The following PCDH11X variants were observed in gnomAD, a reference collection of about 807,000 sequenced individuals.
PCDH11X encodes the protein protocadherin 11 X-linked.
A neutral mutation model predicts 53.3 loss-of-function variants in PCDH11X; 18 were observed. The observed-to-expected ratio is 0.34, with a 90% CI of 0.23 to 0.50. The LOEUF (loss-of-function observed/expected upper bound fraction) is 0.50. Among genes scored for constraint, PCDH11X ranks in the 20% least tolerant of loss-of-function variants. The pLI, the probability that PCDH11X is intolerant of heterozygous loss-of-function variation, is 0.98. For synonymous variants in PCDH11X, 279 were observed against 393.3 expected (o/e 0.71, Z 3.44); for missense variants, 570 against 1,032.4 (o/e 0.55, Z 6.14).
At chrX:92,110,975 T>C (rs1488401296) in intron 6 of PCDH11X, among the ~76,000 whole-genome samples, 1 of 109,468 alleles carries the variant, frequency 9.1e-6, no homozygotes, top group Non-Finnish European at 1.9e-5. Flanking sequence ...TAAGTTATGT[T>C]AATATGTAAA....
intron 6 of PCDH11X, among the ~76,000 whole-genome samples, chrX:92,164,801 G>A (rs1265009562): frequency 9.0e-6 from 1 of 110,560 alleles, no homozygotes; most frequent in Non-Finnish European, 1.9e-5. Flanking sequence ...GGAGGTGATT[G>A]ACTTATGGGG....
chrX:91,823,974 C>A (rs1367382751), intron 4 of PCDH11X, among the ~76,000 whole-genome samples: 1 of 110,699 alleles, frequency 9.0e-6, no homozygotes, highest in Non-Finnish European at 1.9e-5. Flanking sequence ...GTTGAAAATT[C>A]TTTCCTTTAA....
intron 5 of PCDH11X, among the ~76,000 whole-genome samples, chrX:91,839,765 T>A (rs1937450918): frequency 9.0e-6 from 1 of 111,281 alleles, no homozygotes; most frequent in Admixed American, 9.6e-5. Context: ...ATCATGTTAC[T>A]CTTTAAAGAA....
At chrX:91,824,798 T>G (rs954222014) in intron 4 of PCDH11X, among the ~76,000 whole-genome samples, 6 of 108,749 alleles carry the variant, frequency 5.5e-5, no homozygotes, top group Non-Finnish European at 1.9e-5. Flanking sequence ...TTCCCCATCT[T>G]TGTGGTTTTA....
chrX:92,585,373 CTTTT>C (rs1273543624), intron 10 of PCDH11X, among the ~76,000 whole-genome samples: 2 of 92,403 alleles, frequency 2.2e-5, no homozygotes. Flanking sequence ...CTTTCTTTTT[CTTTT>C]TTTTTTTTTT....
chrX:92,420,025 A>G (rs1286318198), intron 9 of PCDH11X, among the ~76,000 whole-genome samples: 4 of 110,620 alleles, frequency 3.6e-5, no homozygotes, highest in African/African-American at 1.3e-4. Context: ...TGTTTTTCAT[A>G]TTCCACTTTA....
chrX:91,931,140 G>A (rs1225985497), intron 6 of PCDH11X, among the ~76,000 whole-genome samples: 4 of 107,899 alleles, frequency 3.7e-5, no homozygotes, highest in Admixed American at 1.0e-4. Flanking sequence ...GTGTGTGTGT[G>A]TGTGTGTGTG....
intron 8 of PCDH11X, among the ~76,000 whole-genome samples, chrX:92,358,258 G>A (rs1269266706): frequency 1.0e-5 from 1 of 99,049 alleles, no homozygotes; most frequent in Non-Finnish European, 2.0e-5. Flanking sequence ...GGTCATTGAT[G>A]TCATGGAGTA....
intron 9 of PCDH11X, among the ~76,000 whole-genome samples, chrX:92,450,110 C>A (rs1013505181): frequency 9.0e-5 from 10 of 111,315 alleles, no homozygotes; most frequent in Non-Finnish European, 1.7e-4. Context: ...CAAATATACA[C>A]TCAAGAAATA....
At chrX:92,496,476 G>A (rs5941089) in intron 10 of PCDH11X, among the ~76,000 whole-genome samples, 31,127 of 105,753 alleles carry the variant, frequency 0.29, 4,306 homozygotes, top group Non-Finnish European at 0.37. Context: ...CGATTAGTAA[G>A]CTACAGGTGT....
intron 6 of PCDH11X, among the ~76,000 whole-genome samples, chrX:91,897,976 G>T (rs2147779170): frequency 8.9e-6 from 1 of 111,990 alleles, no homozygotes; most frequent in African/African-American, 3.2e-5. Flanking sequence ...TTTAAAGACA[G>T]ACCTTTTTTT....
intron 10 of PCDH11X, among the ~76,000 whole-genome samples, chrX:92,553,497 T>C (rs1327084944): frequency 1.8e-5 from 2 of 109,811 alleles, no homozygotes; most frequent in Non-Finnish European, 3.8e-5. Flanking sequence ...TAAAAGTTTG[T>C]CAATTTGTTT....
chrX:92,487,598 C>A (rs774694613), intron 10 of PCDH11X, among the ~76,000 whole-genome samples: 1 of 110,565 alleles, frequency 9.0e-6, no homozygotes, highest in African/African-American at 3.3e-5. Context: ...AAATTCTGAG[C>A]CTTTACTCTG....
intron 6 of PCDH11X, among the ~76,000 whole-genome samples, chrX:92,076,984 T>G (rs2063782783): frequency 8.9e-6 from 1 of 111,969 alleles, no homozygotes; most frequent in Non-Finnish European, 1.9e-5. Context: ...AAATAATTTC[T>G]GAGTTCCAAA....
chrX:92,582,939 C>G (rs1378900777), intron 10 of PCDH11X, among the ~76,000 whole-genome samples: 1 of 110,176 alleles, frequency 9.1e-6, no homozygotes, highest in African/African-American at 3.3e-5. Flanking sequence ...TTGCATGGGG[C>G]CTGTAGTCCC....
At chrX:92,359,879 T>G (rs2070303892) in intron 8 of PCDH11X, among the ~76,000 whole-genome samples, 1 of 110,562 alleles carries the variant, frequency 9.0e-6, no homozygotes, top group African/African-American at 3.3e-5. Context: ...CCCATGAAAA[T>G]AATAGTAATT....
At chrX:92,553,202 G>C (rs1200775509) in intron 10 of PCDH11X, among the ~76,000 whole-genome samples, 2 of 78,199 alleles carry the variant, frequency 2.6e-5, no homozygotes, top group African/African-American at 8.8e-5. Flanking sequence ...GTCGGGTCTC[G>C]GGCTTTTTTA....
At chrX:92,396,773 G>A (rs1420933280) in intron 9 of PCDH11X, among the ~76,000 whole-genome samples, 1 of 92,654 alleles carries the variant, frequency 1.1e-5, no homozygotes, top group Non-Finnish European at 2.0e-5. Context: ...AACCTGAGAG[G>A]GGGAGATTGC....
intron 10 of PCDH11X, among the ~76,000 whole-genome samples, chrX:92,536,614 T>A (rs1258047440): frequency 9.4e-6 from 1 of 106,764 alleles, no homozygotes; most frequent in Non-Finnish European, 1.9e-5. Context: ...CTCCACAACC[T>A]CTCTAGCATT....
Sources: allele counts gnomAD v4.1 joint callset (sites outside exome capture counted in the v4.1 genomes callset), GRCh38; gene constraint gnomAD v4.1.1; transcripts MANE v1.5; gene names NCBI Gene and HGNC (gene_info 2026-07-23, HGNC 2026-07-21).